CREG1: variants seen among roughly 807,000 people sequenced by gnomAD.
CREG1 encodes cellular repressor of E1A stimulated genes 1.
CREG1 carries 20 observed loss-of-function variants against 19.9 expected under a neutral mutation model. The ratio of observed to expected loss-of-function variants is 1.01; its 90% CI spans 0.71 to 1.46. CREG1 has a LOEUF of 1.46. Ranked by LOEUF, CREG1 falls within the 40% of genes most tolerant of loss-of-function variation. The pLI, the probability that CREG1 is intolerant of heterozygous loss-of-function variation, is 0.00. For synonymous variants in CREG1, 141 were observed against 143.3 expected (o/e 0.98, Z 0.12); for missense variants, 290 against 314.9 (o/e 0.92, Z 0.60).
chr1:167,551,907 G>T (rs1184572527), intron 1 of CREG1, among the ~76,000 whole-genome samples: 1 of 152,198 alleles, frequency 6.6e-6, no homozygotes, highest in Non-Finnish European at 1.5e-5. Context: ...AGAGGGCACT[G>T]CTTCTGTTTT....
Position 167,549,760 on chromosome 1 carries a change from T to C in CREG1, c.355-1639A>G, listed in dbSNP as rs370657742. ...AGTGCAGTGGCACAATCATGGCTCA[T>C]TGTGGCCTCAACCTCCAGGGCTCAT... is the stretch of plus-strand genomic sequence containing the variant. On this transcript the variant is annotated intron_variant, in intron 1 of 3. Coordinates refer to ENST00000370509, the MANE Select transcript of CREG1 (RefSeq NM_003851.3). Among the ~76,000 whole-genome samples the C allele has an allele frequency of 2.2e-4, 34 of 151,906 alleles. 3 individuals carry two copies. The highest frequency in any genetic ancestry group is 1.6e-3 in the Admixed American group (25 of 15,242).
chr1:167,553,762 TC>T, upstream of CREG1: 3 of 1,210,914 alleles, frequency 2.5e-6, no homozygotes, highest in Non-Finnish European at 3.1e-6. Context: ...CCAGGAAGAG[TC>T]CCGGGCCCCA....
At chr1:167,544,195 C>A (rs1259066126) in intron 3 of CREG1, among the ~76,000 whole-genome samples, 1 of 152,122 alleles carries the variant, frequency 6.6e-6, no homozygotes, top group Non-Finnish European at 1.5e-5. Flanking sequence ...AAAACAAGCG[C>A]CAGGACTGTG....
Position 167,553,459 on chromosome 1 carries a change from G to A in CREG1, c.283C>T (p.Pro95Ser), listed in dbSNP as rs1201337164. 23 of 1,482,860 alleles carry A rather than the reference G, an allele frequency of 1.6e-5. No homozygotes were observed. Among genetic ancestry groups the A allele is most frequent in the South Asian group, 6.3e-5 (5 of 78,966 alleles). The allele number at this position is 1,482,860 out of a possible 1,614,324, so 91.9% of individuals were successfully genotyped here. A position where few individuals can be genotyped will look rare whatever the true frequency, so the allele number is the denominator to read the frequency against. ...GGCACGCCGCTGCCCGCGCCCGGGG[G>A]CCCGTCGCTGAGCGAGAGGACGTCG... ...FADVLSLSDG[P>S]PGAGSGVPYF... Residue 95 changes from proline (P) to serine (S), a missense_variant, in exon 1 of 4, where the codon CCC becomes TCC. Pro to Ser is a moderately conservative substitution (Grantham distance 74). Coordinates refer to ENST00000370509, the MANE Select transcript of CREG1 (RefSeq NM_003851.3).
rs369503701 is a variant in CREG1, at chr1:167,543,885, G to C, written c.660-1584C>G. On this transcript the variant is annotated intron_variant, in intron 3 of 3. Coordinates refer to ENST00000370509, the MANE Select transcript of CREG1 (RefSeq NM_003851.3). ...GCATAATAAAGTGGGAACCTCAAAA[G>C]TATCTGTTTTACTCACTTATTCAGT... is the stretch of plus-strand genomic sequence containing the variant. 3.9e-5 allele frequency among the ~76,000 whole-genome samples: 6 copies of C among 152,314 alleles called. No homozygotes were observed. In the East Asian group the frequency reaches 9.6e-4, roughly 24 times the overall value.
intron 1 of CREG1, among the ~76,000 whole-genome samples, chr1:167,549,112 G>A (rs953743243): frequency 3.3e-5 from 5 of 152,162 alleles, no homozygotes; most frequent in Admixed American, 3.3e-4. Context: ...AGGAGACACT[G>A]ACTGCAAAAA....
At chr1:167,546,404 A>G (rs902576301) in intron 2 of CREG1, 119 bp from the exon 3 acceptor site, 37 of 620,650 alleles carry the variant, frequency 6.0e-5, no homozygotes, top group Non-Finnish European at 8.7e-5. Flanking sequence ...AGCACTTTGG[A>G]AGGCCAAGGC....
intron 3 of CREG1, 104 bp downstream of exon 3, chr1:167,545,997 C>T (rs1656310855): frequency 1.2e-6 from 1 of 866,216 alleles, no homozygotes; most frequent in Admixed American, 3.5e-5. Context: ...CCAGACTGCC[C>T]AGGGTGTCCA....
intron 3 of CREG1, among the ~76,000 whole-genome samples, chr1:167,544,139 C>T (rs1243323217): frequency 6.6e-6 from 1 of 152,122 alleles, no homozygotes; most frequent in African/African-American, 2.4e-5. Flanking sequence ...CTTTGCCAGC[C>T]CAGAAGACGA....
At chr1:167,548,201 A>G in intron 1 of CREG1, 80 bp from the exon 2 acceptor site, 4 of 1,140,254 alleles carry the variant, frequency 3.5e-6, no homozygotes, top group Non-Finnish European at 5.2e-6. Flanking sequence ...TGCATACATG[A>G]TGTCCCTAGA....
intron 3 of CREG1, among the ~76,000 whole-genome samples, chr1:167,544,114 T>A (rs1656274788): frequency 6.6e-6 from 1 of 152,230 alleles, no homozygotes; most frequent in South Asian, 2.1e-4. Context: ...TCTATATTCC[T>A]ATGAAGTCAG....
In CREG1 at chr1:167,542,125, A is replaced by G. The variant is rs1408488988; in HGVS notation, c.*173T>C. On this transcript the variant is annotated 3_prime_UTR_variant, in exon 4 of 4. Coordinates refer to ENST00000370509, the MANE Select transcript of CREG1 (RefSeq NM_003851.3). ...CACATCTTCCAGGAAATCCAATAACAGGTCAACTCTATTGGTAAACAAGCA... is the reference window on the plus strand; with the variant it reads ...CACATCTTCCAGGAAATCCAATAACGGGTCAACTCTATTGGTAAACAAGCA... The G allele has an allele frequency of 2.1e-5, 11 of 527,392 alleles. No individual in the cohort carries two copies. Among genetic ancestry groups the G allele is most frequent in the African/African-American group, 3.9e-5 (2 of 51,280 alleles). The allele number at this position is 527,392 out of a possible 1,614,324, so 32.7% of individuals were successfully genotyped here.
At chr1:167,546,079 T>A in intron 3 of CREG1, 22 bp downstream of exon 3, 1 of 1,561,198 alleles carries the variant, frequency 6.4e-7, no homozygotes, top group South Asian at 1.2e-5. Flanking sequence ...CAATCTTAGG[T>A]GAAAGATGTG....
intron 1 of CREG1, among the ~76,000 whole-genome samples, chr1:167,551,129 C>A (rs569153753): frequency 5.1e-4 from 78 of 152,228 alleles, no homozygotes; most frequent in African/African-American, 1.9e-3. Context: ...TACAAAAATG[C>A]CACAAAGAAA....
chr1:167,551,806 G>A (rs1656427411), intron 1 of CREG1, among the ~76,000 whole-genome samples: 1 of 152,184 alleles, frequency 6.6e-6, no homozygotes, highest in Non-Finnish European at 1.5e-5. Flanking sequence ...CTGATGGAGT[G>A]GAGTGAGTTT....
Position 167,553,420 on chromosome 1 carries a change from T to A in CREG1, c.322A>T (p.Ser108Cys), listed in dbSNP as rs1420878207. Residue 108 changes from serine (S) to cysteine (C), a missense_variant, in exon 1 of 4, where the codon AGC becomes TGC. Ser to Cys is a moderately radical substitution (Grantham distance 112). Transcript: ENST00000370509. ...TTGCTCACGGAGAGCTGCAGCGGGC[T>A]CAGGTAGAAATAGGGCACGCCGCTG... ...AGSGVPYFYL[S>C]PLQLSVSNLQ... The A allele has an allele frequency of 6.8e-7, 1 of 1,459,940 alleles. No homozygotes were observed. Among genetic ancestry groups the A allele is most frequent in the African/African-American group, 1.5e-5 (1 of 67,828 alleles). The allele number at this position is 1,459,940 out of a possible 1,614,324, so 90.4% of individuals were successfully genotyped here. A position where few individuals can be genotyped will look rare whatever the true frequency, so the allele number is the denominator to read the frequency against.
chr1:167,550,847 T>C (rs1486804546), intron 1 of CREG1, among the ~76,000 whole-genome samples: 1 of 152,064 alleles, frequency 6.6e-6, no homozygotes, highest in African/African-American at 2.4e-5. Flanking sequence ...GTATACAATC[T>C]TCTGAGGATC....
chr1:167,541,675 A>G lies in CREG1; in HGVS notation c.*623T>C, dbSNP rs1287881643. The G allele has an allele frequency of 6.6e-6, 1 of 152,214 alleles. No individual in the cohort carries two copies. The highest frequency in any genetic ancestry group is 1.5e-5 in the Non-Finnish European group (1 of 68,034). 9.4% of individuals were successfully genotyped at this position (152,214 alleles called of 1,614,324 possible). ...TTCTGAGTATCACTTTAGAGTATAA[A>G]AAGTTTTTCAAAAGTTCTTTATCAG... On this transcript the variant is annotated 3_prime_UTR_variant, in exon 4 of 4. Coordinates refer to ENST00000370509, the MANE Select transcript of CREG1 (RefSeq NM_003851.3).
intron 3 of CREG1, among the ~76,000 whole-genome samples, chr1:167,545,477 AT>A (rs1171569749): frequency 6.6e-6 from 1 of 152,178 alleles, no homozygotes; most frequent in Non-Finnish European, 1.5e-5. Flanking sequence ...CGTTCATATC[AT>A]GTCACAGGTG....
Sources: allele counts gnomAD v4.1 joint callset (sites outside exome capture counted in the v4.1 genomes callset), GRCh38; gene constraint gnomAD v4.1.1; transcripts MANE v1.5; gene names NCBI Gene and HGNC (gene_info 2026-07-23, HGNC 2026-07-21).